The following BCAP29 variants were observed in gnomAD, a reference collection of about 807,000 sequenced individuals.
BCAP29 encodes the protein B cell receptor associated protein 29.
Under a neutral mutation model 31.8 loss-of-function variants are expected in BCAP29, and 34 were observed. That is an observed-to-expected ratio of 1.07 (90% CI 0.81 to 1.42). The LOEUF (loss-of-function observed/expected upper bound fraction) is 1.42. Ranked by LOEUF, BCAP29 falls within the 40% of genes most tolerant of loss-of-function variation. The probability of loss-of-function intolerance (pLI) is 0.00; values close to 1 mark genes in which losing one functional copy is unlikely to be tolerated. For missense variants in BCAP29, 314 were observed against 269.2 expected (o/e 1.17, Z -1.16); for synonymous variants, 104 against 91.3 (o/e 1.14, Z -0.79).
In BCAP29 at chr7:107,619,282, G is replaced by A. The variant is rs764973682; in HGVS notation, c.*919G>A. The A allele has an allele frequency of 6.6e-6, 1 of 152,470 alleles. No homozygotes were observed. Among genetic ancestry groups the A allele is most frequent in the East Asian group, 1.9e-4 (1 of 5,190 alleles). The allele number at this position is 152,470 out of a possible 1,614,324, so 9.4% of individuals were successfully genotyped here. ...TCTTTCTACAATGTTTCTGTATTCT[G>A]AAAGCTAAATATTAAGTACTATTTT... On this transcript the variant is annotated 3_prime_UTR_variant, in exon 8 of 8. Transcript: ENST00000005259.
intron 1 of BCAP29, 94 bp from the exon 2 acceptor site, chr7:107,580,665 T>G: frequency 2.5e-6 from 2 of 807,364 alleles, no homozygotes. Context: ...GGTGGAACAC[T>G]GTCCATCCCC....
At chr7:107,615,886 A>G (rs1002582755) in intron 7 of BCAP29, 3 of 152,358 alleles carry the variant, frequency 2.0e-5, no homozygotes, top group African/African-American at 7.2e-5. Context: ...AAGTATTTTA[A>G]TATCCCTATT....
intron 5 of BCAP29, among the ~76,000 whole-genome samples, chr7:107,598,764 C>A (rs1013243903): frequency 3.0e-4 from 46 of 151,436 alleles, no homozygotes; most frequent in Non-Finnish European, 5.3e-4. Flanking sequence ...GACTATAGAA[C>A]CTGTCAGTAT....
chr7:107,605,844 G>A (rs112898793), intron 6 of BCAP29, among the ~76,000 whole-genome samples: 394 of 152,236 alleles, frequency 2.6e-3, no homozygotes, highest in Non-Finnish European at 4.8e-3. Context: ...GGCCAAGTGA[G>A]TTACAAAAAT....
intron 5 of BCAP29, among the ~76,000 whole-genome samples, chr7:107,599,227 T>TTTTTA (rs1554477128): frequency 2.4e-4 from 15 of 61,622 alleles, no homozygotes; most frequent in East Asian, 8.9e-4. Flanking sequence ...ATATACATAA[T>TTTTTA]TATATATATT....
At chr7:107,595,065 A>G (rs1809570927) in intron 4 of BCAP29, among the ~76,000 whole-genome samples, 1 of 152,034 alleles carries the variant, frequency 6.6e-6, no homozygotes, top group African/African-American at 2.4e-5. Context: ...TTCCCATTTT[A>G]GGGTCTTTAC....
intron 3 of BCAP29, among the ~76,000 whole-genome samples, chr7:107,585,279 G>A (rs1294819514): frequency 6.6e-6 from 1 of 152,156 alleles, no homozygotes; most frequent in African/African-American, 2.4e-5. Context: ...CTCTCAAATA[G>A]AATCCTCTTT....
At chr7:107,601,730 GC>G (rs1811216485) in intron 6 of BCAP29, among the ~76,000 whole-genome samples, 1 of 152,080 alleles carries the variant, frequency 6.6e-6, no homozygotes, top group Non-Finnish European at 1.5e-5. Flanking sequence ...TTTTAACCCT[GC>G]ATAAAATATT....
chr7:107,608,367 CTTTAG>C (rs989488931), intron 6 of BCAP29, among the ~76,000 whole-genome samples: 31 of 152,192 alleles, frequency 2.0e-4, no homozygotes, highest in African/African-American at 7.5e-4. Flanking sequence ...TTTAATACTA[CTTTAG>C]TTTATTGTTC....
In BCAP29 at chr7:107,618,388, T is replaced by C; in HGVS notation, c.*25T>C. On this transcript the variant is annotated 3_prime_UTR_variant, in exon 8 of 8. Coordinates refer to ENST00000005259, the MANE Select transcript of BCAP29 (RefSeq NM_018844.4). Reference sequence around the variant, plus strand: ...AACTTTATAAAAGACACTTGCAATATACTGTGTCAAAATGATAATTTTGTT... The same window carrying C: ...AACTTTATAAAAGACACTTGCAATACACTGTGTCAAAATGATAATTTTGTT... The C allele has an allele frequency of 6.2e-7, 1 of 1,611,734 alleles. No homozygotes were observed. The highest frequency in any genetic ancestry group is 8.5e-7 in the Non-Finnish European group (1 of 1,178,228).
At chr7:107,587,409 AG>A (rs1260627028) in intron 3 of BCAP29, 4 of 152,322 alleles carry the variant, frequency 2.6e-5, no homozygotes, top group African/African-American at 9.6e-5. Flanking sequence ...GTTAATCTTC[AG>A]CTTTTCTGCA....
chr7:107,588,924 T>C (rs1808209664), intron 3 of BCAP29, among the ~76,000 whole-genome samples: 1 of 152,118 alleles, frequency 6.6e-6, no homozygotes. Context: ...AGAAGAAATT[T>C]TGGCTGCTGG....
intron 3 of BCAP29, among the ~76,000 whole-genome samples, chr7:107,589,325 C>T (rs542004395): frequency 6.6e-6 from 1 of 152,284 alleles, no homozygotes; most frequent in South Asian, 2.1e-4. Context: ...TTATGCAACT[C>T]ACCGTAATGT....
At position 107,607,428 on chromosome 7, in the gene BCAP29, C is replaced by T. The variant is rs1041380186; in HGVS notation, c.590-5904C>T. Among the ~76,000 whole-genome samples the T allele has an allele frequency of 3.9e-5, 6 of 152,086 alleles. No individual in the cohort carries two copies. In the East Asian group the frequency reaches 1.2e-3, roughly 29 times the overall value. ...ATCTTTGACTTTGTTATAGGGAAGA[C>T]GAGGACTTAGACCTCTTTATCTCAC... On this transcript the variant is annotated intron_variant, in intron 6 of 7. Coordinates refer to ENST00000005259, the MANE Select transcript of BCAP29 (RefSeq NM_018844.4).
At chr7:107,592,216 T>A (rs927610627) in intron 3 of BCAP29, among the ~76,000 whole-genome samples, 6 of 152,122 alleles carry the variant, frequency 3.9e-5, no homozygotes, top group African/African-American at 1.2e-4. Flanking sequence ...TTGAAAAAAA[T>A]TCTATGAAAG....
intron 7 of BCAP29, among the ~76,000 whole-genome samples, chr7:107,616,593 C>G (rs1300503059): frequency 1.3e-5 from 2 of 152,122 alleles, no homozygotes; most frequent in Non-Finnish European, 2.9e-5. Context: ...TAAGAAAGCA[C>G]TTTATATATT....
intron 5 of BCAP29, 35 bp from the exon 6 acceptor site, chr7:107,600,362 A>C (rs1477038390): frequency 2.3e-6 from 3 of 1,299,368 alleles, no homozygotes; most frequent in Non-Finnish European, 3.3e-6. Context: ...ATTGCAATCT[A>C]AGCTTATTTC....
At chr7:107,612,421 A>ATT (rs1351836859) in intron 6 of BCAP29, among the ~76,000 whole-genome samples, 7 of 40,258 alleles carry the variant, frequency 1.7e-4, no homozygotes, top group African/African-American at 4.0e-4. Flanking sequence ...ATATATATAT[A>ATT]TATATATATA....
intron 7 of BCAP29, chr7:107,615,554 C>T: frequency 3.4e-6 from 1 of 290,462 alleles, no homozygotes. Context: ...CGAGATCGCG[C>T]TTTTGCACTC....
Sources: allele counts gnomAD v4.1 joint callset (sites outside exome capture counted in the v4.1 genomes callset), GRCh38; gene constraint gnomAD v4.1.1; transcripts MANE v1.5; gene names NCBI Gene and HGNC (gene_info 2026-07-23, HGNC 2026-07-21).